Variants in ABRAXAS2 observed in about 807,000 individuals in gnomAD.
The protein encoded by ABRAXAS2 is BRISC complex subunit Abraxas 2.
ABRAXAS2 carries 23 observed loss-of-function variants against 49.0 expected under a neutral mutation model. That is an observed-to-expected ratio of 0.47 (90% CI 0.34 to 0.66). The LOEUF is 0.66. Among genes scored for constraint, ABRAXAS2 ranks in the 30% least tolerant of loss-of-function variants. ABRAXAS2 has a pLI of 0.01. For missense variants in ABRAXAS2, 443 were observed against 511.9 expected (o/e 0.87, Z 1.30); for synonymous variants, 168 against 180.2 (o/e 0.93, Z 0.54).
chr10:124,810,774 G>A (rs1198302504), intron 2 of ABRAXAS2, among the ~76,000 whole-genome samples: 2 of 151,106 alleles, frequency 1.3e-5, no homozygotes, highest in Non-Finnish European at 3.0e-5. Context: ...GTAGAGATGG[G>A]GTTTCACCAT....
chr10:124,810,964 A>G (rs1470500958), intron 2 of ABRAXAS2, among the ~76,000 whole-genome samples: 1 of 150,678 alleles, frequency 6.6e-6, no homozygotes, highest in East Asian at 2.0e-4. Flanking sequence ...TCACGCCTGT[A>G]ATCCCAGCAC....
In ABRAXAS2 at chr10:124,826,713, T is replaced by C; in HGVS notation, c.386T>C (p.Leu129Pro). ...ILGVPDLVFL[L>P]FSFISTANNS... ...GGCGTGCCCGACCTCGTCTTTCTTC[T>C]CTTCAGCTTCATCTCCACTGCCAAC... The change falls in exon 5 of 9, where the codon CTC becomes CCC. Residue 129 changes from leucine to proline, a missense_variant. Physicochemically the swap from Leu to Pro is moderately conservative, Grantham distance 98. Around this residue, in one of 3 missense-constraint regions of ABRAXAS2, gnomAD observed 166 missense variants for 247.3 expected, o/e 0.67. Transcript: ENST00000298492. 1 of 1,614,220 alleles carries C rather than the reference T, an allele frequency of 6.2e-7. No individual in the cohort carries two copies. Among genetic ancestry groups the C allele is most frequent in the Non-Finnish European group, 8.5e-7 (1 of 1,180,042 alleles).
chr10:124,818,143 T>C (rs1360917049), intron 3 of ABRAXAS2, among the ~76,000 whole-genome samples: 1 of 152,162 alleles, frequency 6.6e-6, no homozygotes, highest in Admixed American at 6.5e-5. Flanking sequence ...ACGCCTGTAA[T>C]CCCAGCACTT....
intron 7 of ABRAXAS2, 104 bp from the exon 8 acceptor site, chr10:124,831,245 C>G: frequency 1.4e-6 from 1 of 723,116 alleles, no homozygotes; most frequent in Non-Finnish European, 2.5e-6. Context: ...CTTTTTAACT[C>G]AATAAACCAT....
chr10:124,821,452 G>C (rs1459110706), intron 4 of ABRAXAS2, among the ~76,000 whole-genome samples: 3 of 152,012 alleles, frequency 2.0e-5, no homozygotes, highest in Non-Finnish European at 4.4e-5. Flanking sequence ...TCTTGTCCCA[G>C]GTACTCAGGA....
chr10:124,803,932 C>T (rs559862411), intron 1 of ABRAXAS2, among the ~76,000 whole-genome samples: 2 of 152,174 alleles, frequency 1.3e-5, no homozygotes, highest in East Asian at 1.9e-4. Context: ...GCTTACAGGC[C>T]GTACATTAAT....
At chr10:124,805,231 G>T (rs1162577012) in intron 1 of ABRAXAS2, among the ~76,000 whole-genome samples, 1 of 151,882 alleles carries the variant, frequency 6.6e-6, no homozygotes, top group African/African-American at 2.4e-5. Context: ...TACTCGGGAG[G>T]CTGAGGCAGG....
At chr10:124,832,106 G>A (rs985795846) in intron 8 of ABRAXAS2, among the ~76,000 whole-genome samples, 1 of 151,730 alleles carries the variant, frequency 6.6e-6, no homozygotes, top group Non-Finnish European at 1.5e-5. Context: ...TGATCCACCC[G>A]CCTCAGCCTC....
chr10:124,825,933 C>T (rs1422690791), intron 4 of ABRAXAS2, among the ~76,000 whole-genome samples: 1 of 152,152 alleles, frequency 6.6e-6, no homozygotes, highest in Non-Finnish European at 1.5e-5. Context: ...AGCAGTCTTT[C>T]AGATATCTCT....
At chr10:124,833,977 G>A (rs148183849) in intron 8 of ABRAXAS2, among the ~76,000 whole-genome samples, 147 of 152,238 alleles carry the variant, frequency 9.7e-4, no homozygotes, top group Non-Finnish European at 1.8e-3. Flanking sequence ...GTGTATAAGT[G>A]TATTATGAAA....
At chr10:124,831,253 C>T (rs918443897) in intron 7 of ABRAXAS2, 96 bp from the exon 8 acceptor site, 1 of 752,458 alleles carries the variant, frequency 1.3e-6, no homozygotes, top group African/African-American at 1.8e-5. Flanking sequence ...CTCAATAAAC[C>T]ATCTGGACTT....
intron 8 of ABRAXAS2, among the ~76,000 whole-genome samples, chr10:124,831,890 G>A (rs181460727): frequency 8.8e-6 from 1 of 113,190 alleles, no homozygotes; most frequent in East Asian, 2.8e-4. Flanking sequence ...ATCTCCCTCT[G>A]TCACCCAGGT....
intron 1 of ABRAXAS2, among the ~76,000 whole-genome samples, chr10:124,806,153 A>G (rs1204594783): frequency 1.3e-5 from 2 of 151,984 alleles, no homozygotes; most frequent in Non-Finnish European, 2.9e-5. Flanking sequence ...CAAAAAAAAA[A>G]AAATTAGCCA....
Position 124,834,573 on chromosome 10 carries a change from C to T in ABRAXAS2, c.850C>T (p.Pro284Ser). 6 of 1,614,188 alleles carry T rather than the reference C, an allele frequency of 3.7e-6. No homozygotes were observed. Among genetic ancestry groups the T allele is most frequent in the Non-Finnish European group, 5.1e-6 (6 of 1,180,030 alleles). ...GGACCCAGCGTTCAGTCCTCGGATG[C>T]CGTCCTCTGGGTTTGCAGCTGAAGG... ...SLDPAFSPRM[P>S]SSGFAAEGRS... Residue 284 changes from proline to serine, a missense_variant, in exon 9 of 9, where the codon CCG becomes TCG. This residue lies in a region of ABRAXAS2 where 230 missense variants were observed against 237.0 expected (regional missense o/e 0.97). Coordinates refer to ENST00000298492, the MANE Select transcript of ABRAXAS2 (RefSeq NM_032182.4).
intron 2 of ABRAXAS2, among the ~76,000 whole-genome samples, chr10:124,813,060 G>A (rs1015416009): frequency 3.9e-5 from 6 of 152,110 alleles, no homozygotes; most frequent in African/African-American, 1.4e-4. Flanking sequence ...AATTAGCCAG[G>A]CGAGGTGGTG....
intron 3 of ABRAXAS2, among the ~76,000 whole-genome samples, 167 bp from the exon 4 acceptor site, chr10:124,819,217 C>T (rs1950845287): frequency 6.6e-6 from 1 of 152,130 alleles, no homozygotes; most frequent in South Asian, 2.1e-4. Flanking sequence ...CAAAAGGGGC[C>T]TCATTTCAGA....
In ABRAXAS2 at chr10:124,831,432, T is replaced by A; in HGVS notation, c.747T>A (p.Thr249=). The A allele has an allele frequency of 1.9e-6, 3 of 1,604,566 alleles. No homozygotes were observed. Among genetic ancestry groups the A allele is most frequent in the Non-Finnish European group, 2.6e-6 (3 of 1,172,622 alleles). The part of the protein sequence containing the change: ...AEVNKLRRQI[T]QRKNEKEQER... ...TGAACAAATTAAGAAGACAAATCACTCAGAGGAAAAATGAAAAGGAACAAG... is the reference window on the plus strand; with the variant it reads ...TGAACAAATTAAGAAGACAAATCACACAGAGGAAAAATGAAAAGGAACAAG... The change falls in exon 8 of 9, where the codon ACT becomes ACA. Residue 249 remains threonine, a synonymous_variant. Transcript: ENST00000298492.
intron 7 of ABRAXAS2, 100 bp downstream of exon 7, chr10:124,829,577 A>C (rs1239809412): frequency 1.3e-6 from 1 of 754,322 alleles, no homozygotes; most frequent in Non-Finnish European, 2.2e-6. Flanking sequence ...AAATAGAGTT[A>C]GGATCCGAAA....
chr10:124,812,217 G>A (rs917096891), intron 2 of ABRAXAS2, among the ~76,000 whole-genome samples: 2 of 152,316 alleles, frequency 1.3e-5, no homozygotes, highest in South Asian at 2.1e-4. Context: ...TTAGTACAGG[G>A]CCATGACAAC....
Sources: allele counts gnomAD v4.1 joint callset (sites outside exome capture counted in the v4.1 genomes callset), GRCh38; gene constraint gnomAD v4.1.1; regional missense constraint gnomAD v4.1.1; transcripts MANE v1.5; gene names NCBI Gene and HGNC (gene_info 2026-07-23, HGNC 2026-07-21).